PITPNM3: variants seen among roughly 807,000 people sequenced by gnomAD.
The protein encoded by PITPNM3 is membrane-associated phosphatidylinositol transfer protein 3.
In PITPNM3, 26 loss-of-function variants were observed where a neutral mutation model predicts 102.0. That is an observed-to-expected ratio of 0.25 (90% CI 0.19 to 0.35). The LOEUF is 0.35. Among genes scored for constraint, PITPNM3 ranks in the 10% least tolerant of loss-of-function variants. The probability of loss-of-function intolerance (pLI) is 1.00; values close to 1 mark genes in which losing one functional copy is unlikely to be tolerated. For synonymous variants in PITPNM3, 578 were observed against 558.6 expected (o/e 1.03, Z -0.49); for missense variants, 1,083 against 1,346.1 (o/e 0.80, Z 3.06).
intron 2 of PITPNM3, among the ~76,000 whole-genome samples, chr17:6,527,967 C>T (rs1306106226): frequency 1.3e-5 from 2 of 152,214 alleles, no homozygotes; most frequent in African/African-American, 4.8e-5. Context: ...GGCCACTTTC[C>T]TCTTTTTCCT....
At chr17:6,503,232 C>T (rs1335207142) in intron 4 of PITPNM3, among the ~76,000 whole-genome samples, 1 of 152,170 alleles carries the variant, frequency 6.6e-6, no homozygotes, top group African/African-American at 2.4e-5. Flanking sequence ...ACTCCCAACC[C>T]ACCAGCCTCC....
At chr17:6,509,304 G>A (rs932493519) in intron 3 of PITPNM3, among the ~76,000 whole-genome samples, 3 of 152,204 alleles carry the variant, frequency 2.0e-5, no homozygotes, top group African/African-American at 7.2e-5. Context: ...AGCAAAGTGT[G>A]TGGCCAAGAA....
At chr17:6,496,388 G>A (rs900447568) in intron 4 of PITPNM3, among the ~76,000 whole-genome samples, 2 of 151,860 alleles carry the variant, frequency 1.3e-5, no homozygotes, top group South Asian at 2.1e-4. Context: ...GCCAGTTTTC[G>A]CACATCCCCT....
intron 3 of PITPNM3, among the ~76,000 whole-genome samples, chr17:6,518,039 T>C (rs1454772468): frequency 6.6e-6 from 1 of 152,138 alleles, no homozygotes; most frequent in African/African-American, 2.4e-5. Context: ...AGTATATAGA[T>C]AATGTATATA....
intron 3 of PITPNM3, among the ~76,000 whole-genome samples, chr17:6,506,281 T>C (rs1907501818): frequency 6.6e-6 from 1 of 152,172 alleles, no homozygotes; most frequent in South Asian, 2.1e-4. Context: ...AATATAACAT[T>C]TTTCCTTTTC....
chr17:6,548,296 C>T (rs1369101558), intron 1 of PITPNM3, among the ~76,000 whole-genome samples: 3 of 152,218 alleles, frequency 2.0e-5, no homozygotes, highest in East Asian at 3.9e-4. Context: ...CAGGAATTGC[C>T]AGCCAAAGCC....
intron 1 of PITPNM3, among the ~76,000 whole-genome samples, chr17:6,542,292 G>A (rs1316184101): frequency 6.6e-6 from 1 of 152,230 alleles, no homozygotes; most frequent in Non-Finnish European, 1.5e-5. Flanking sequence ...CCTGCGTAGA[G>A]GTGTCTAGTG....
At chr17:6,536,998 C>T (rs549985882) in intron 2 of PITPNM3, among the ~76,000 whole-genome samples, 49 of 152,286 alleles carry the variant, frequency 3.2e-4, no homozygotes, top group African/African-American at 1.1e-3. Flanking sequence ...TTCTACCTTC[C>T]CATGCCTGTA....
Position 6,472,844 on chromosome 17 carries a change from G to T in PITPNM3, c.1259-17C>A. 2 of 1,613,662 alleles carry T rather than the reference G, an allele frequency of 1.2e-6. No individual in the cohort carries two copies. Among genetic ancestry groups the T allele is most frequent in the Non-Finnish European group, 1.7e-6 (2 of 1,179,844 alleles). ...CCTGGAAGCCTGGGGTGAGTGGGAA[G>T]ACAGAGGGAAGCCACTTTCTAGTAC... On this transcript the variant is annotated splice_polypyrimidine_tract_variant and intron_variant, in intron 10 of 19. Coordinates refer to ENST00000262483, the MANE Select transcript of PITPNM3 (RefSeq NM_031220.4). This position sits in a 1 kb window ranked among gnomAD's most constrained non-coding sequence, Gnocchi z 4.1.
At chr17:6,525,218 G>A (rs977567118) in intron 3 of PITPNM3, 138 bp downstream of exon 3, 1 of 794,312 alleles carries the variant, frequency 1.3e-6, no homozygotes. Flanking sequence ...GCAAAATTCA[G>A]GGATGCTATG....
In PITPNM3 at chr17:6,538,133, T is replaced by G. The variant is rs377158215; in HGVS notation, c.23-51A>C. The G allele has an allele frequency of 4.9e-6, 7 of 1,418,956 alleles. No homozygotes were observed. The African/African-American group carries it at 9.9e-5, about 20-fold the overall frequency. 87.9% of individuals were successfully genotyped at this position (1,418,956 alleles called of 1,614,324 possible). ...CCAAGCCTGAGATGTTGTCCCAGTA[T>G]GAGGGAGGTGACCCAAGACCCCCCT... On this transcript the variant is annotated intron_variant, in intron 1 of 19. Coordinates refer to ENST00000262483, the MANE Select transcript of PITPNM3 (RefSeq NM_031220.4).
At position 6,485,762 on chromosome 17, in the gene PITPNM3, T is replaced by C. The variant is rs562615508; in HGVS notation, c.275-1470A>G. ...GCCTCCTCCTTCAAGAAGTCCTTCT[T>C]GGCTCCCAGCCCTCCCTGAGCTCTC... On this transcript the variant is annotated intron_variant, in intron 4 of 19. Coordinates refer to ENST00000262483, the MANE Select transcript of PITPNM3 (RefSeq NM_031220.4). Among the ~76,000 whole-genome samples, 171 of 152,320 alleles carry C rather than the reference T, an allele frequency of 1.1e-3. 1 individual carries two copies. The highest frequency in any genetic ancestry group is 4.0e-3 in the African/African-American group (166 of 41,566).
intron 1 of PITPNM3, among the ~76,000 whole-genome samples, chr17:6,543,038 A>C (rs1909811665): frequency 6.6e-6 from 1 of 152,136 alleles, no homozygotes; most frequent in South Asian, 2.1e-4. Flanking sequence ...ACATTTATTT[A>C]AAATGTTAAG....
chr17:6,516,553 G>A (rs1908190826), intron 3 of PITPNM3, among the ~76,000 whole-genome samples: 1 of 116,314 alleles, frequency 8.6e-6, no homozygotes, highest in African/African-American at 3.5e-5. Context: ...GACAGAGACA[G>A]ACTCCGCCTC....
Position 6,455,606 on chromosome 17 carries a change from A to T in PITPNM3, c.2657T>A (p.Leu886Gln). 1 of 1,577,780 alleles carries T rather than the reference A, an allele frequency of 6.3e-7. No homozygotes were observed. The highest frequency in any genetic ancestry group is 2.3e-5 in the East Asian group (1 of 43,282). The change falls in exon 20 of 20, where the codon CTG becomes CAG. Residue 886 changes from leucine to glutamine, a missense_variant. Physicochemically the swap from Leu to Gln is moderately radical, Grantham distance 113. This residue lies in a region of PITPNM3 where 208 missense variants were observed against 178.2 expected (regional missense o/e 1.17). Transcript: ENST00000262483. ...SEGYAAHLAALEASHRSRPKK... is the reference protein window; with the variant it reads ...SEGYAAHLAAQEASHRSRPKK... ...TGGGCGTGAGCGGTGGCTGGCCTCC[A>T]GCGCGGCCAGGTGTGCGGCGTAGCC...
intron 9 of PITPNM3, among the ~76,000 whole-genome samples, chr17:6,475,526 G>A (rs1043617599): frequency 4.6e-5 from 7 of 152,198 alleles, no homozygotes; most frequent in African/African-American, 9.7e-5. Context: ...AGGAGTGAGC[G>A]AGTCTGCAAA....
Position 6,464,177 on chromosome 17 carries a change from C to A in PITPNM3, c.2149G>T (p.Val717Phe), listed in dbSNP as rs1044018625. Residue 717 changes from valine (V) to phenylalanine (F), a missense_variant, in exon 16 of 20, where the codon GTC becomes TTC. Transcript: ENST00000262483. ...LGVGVYPVKM[V>F]VRGDQTCAMS... ...ATGGCCCCTGGGTCTTACCTGACGACCATCTTCACAGGATAGACACCAACC... is the reference window on the plus strand; with the variant it reads ...ATGGCCCCTGGGTCTTACCTGACGAACATCTTCACAGGATAGACACCAACC... 2 of 1,614,174 alleles carry A rather than the reference C, an allele frequency of 1.2e-6. No individual in the cohort carries two copies. Among genetic ancestry groups the A allele is most frequent in the Non-Finnish European group, 1.7e-6 (2 of 1,180,024 alleles).
intron 3 of PITPNM3, among the ~76,000 whole-genome samples, chr17:6,519,153 A>C (rs4597368): frequency 0.66 from 85,654 of 129,934 alleles, 28,568 homozygotes; most frequent in Middle Eastern, 0.72. Flanking sequence ...CTGGCTAACA[A>C]GGTGAAACCC....
At chr17:6,496,265 T>C (rs1906808482) in intron 4 of PITPNM3, among the ~76,000 whole-genome samples, 1 of 152,124 alleles carries the variant, frequency 6.6e-6, no homozygotes, top group Non-Finnish European at 1.5e-5. Flanking sequence ...AAGTGCTCTA[T>C]GCAAATCCCA....
Sources: allele counts gnomAD v4.1 joint callset (sites outside exome capture counted in the v4.1 genomes callset), GRCh38; gene constraint gnomAD v4.1.1; regional missense constraint gnomAD v4.1.1; non-coding constraint Gnocchi (gnomAD v3.1); transcripts MANE v1.5; gene names NCBI Gene and HGNC (gene_info 2026-07-23, HGNC 2026-07-21).